Variants in ZFAND3 observed in about 807,000 individuals in gnomAD.
ZFAND3 encodes the protein AN1-type zinc finger protein 3.
A neutral mutation model predicts 29.6 loss-of-function variants in ZFAND3; 10 were observed. The ratio of observed to expected loss-of-function variants is 0.34; its 90% CI spans 0.21 to 0.57. The LOEUF (loss-of-function observed/expected upper bound fraction) is 0.57. Ranked by LOEUF, ZFAND3 falls within the 20% of genes least tolerant of loss-of-function variation. The probability of loss-of-function intolerance (pLI) is 0.86; values close to 1 mark genes in which losing one functional copy is unlikely to be tolerated. For synonymous variants in ZFAND3, 128 were observed against 112.6 expected, an observed-to-expected ratio of 1.14 and a Z score of -0.87; for missense variants, 230 against 304.5, an observed-to-expected ratio of 0.76 and a Z score of 1.82.
intron 4 of ZFAND3, among the ~76,000 whole-genome samples, chr6:38,109,285 C>T (rs766810963): frequency 2.0e-5 from 3 of 151,236 alleles, no homozygotes; most frequent in African/African-American, 4.9e-5. Context: ...TGCGTTCAAG[C>T]GATTCTCTTG....
At chr6:38,103,550 C>A (rs1031273597) in intron 4 of ZFAND3, among the ~76,000 whole-genome samples, 4 of 129,588 alleles carry the variant, frequency 3.1e-5, no homozygotes, top group Admixed American at 1.6e-4. Context: ...CACATACATA[C>A]ATACACACTT....
chr6:37,973,024 A>C (rs1444824599), intron 2 of ZFAND3, among the ~76,000 whole-genome samples: 1 of 152,042 alleles, frequency 6.6e-6, no homozygotes, highest in Non-Finnish European at 1.5e-5. Context: ...CCCTCCCTCG[A>C]GTTCATTTGT....
At chr6:37,941,930 A>G (rs772304642) in intron 2 of ZFAND3, among the ~76,000 whole-genome samples, 1 of 152,212 alleles carries the variant, frequency 6.6e-6, no homozygotes, top group Non-Finnish European at 1.5e-5. Flanking sequence ...TATAGTTTAT[A>G]GAGACACTAG....
rs1766248826 is a variant in ZFAND3 at position 38,152,472 on chromosome 6, GTA to G, written c.*84_*85del. 1.8e-5 allele frequency: 26 copies of G among 1,452,570 alleles called. No individual in the cohort carries two copies. Among genetic ancestry groups the G allele is most frequent in the Non-Finnish European group, 2.4e-5 (26 of 1,103,790 alleles). The allele number at this position is 1,452,570 out of a possible 1,614,324, so 90.0% of individuals were successfully genotyped here. ...TAGGACAAAGTCAGCCAGACACCTT[GTA>G]CTGGGCACGCGTCAGACTGCAGCCA... is the stretch of plus-strand genomic sequence containing the variant. On this transcript the variant is annotated 3_prime_UTR_variant, in exon 6 of 6. Transcript: ENST00000287218.
At position 38,061,226 on chromosome 6, in the gene ZFAND3, TTTCTC is replaced by T. The variant is rs1325856630; in HGVS notation, c.113-365_113-361del. ...ATGTGTTTTCTGTTTACTCTGCTGTTTTCTCTGCTGCCTTTTTCCTTATGACCTTT... is the reference window on the plus strand; with the variant it reads ...ATGTGTTTTCTGTTTACTCTGCTGTTTGCTGCCTTTTTCCTTATGACCTTT... On this transcript the variant is annotated intron_variant, in intron 2 of 5. Coordinates refer to ENST00000287218, the MANE Select transcript of ZFAND3 (RefSeq NM_021943.3). Among the ~76,000 whole-genome samples, 10 of 152,200 alleles carry T rather than the reference TTTCTC, an allele frequency of 6.6e-5. No homozygotes were observed. The East Asian group carries it at 1.9e-3, about 29-fold the overall frequency.
chr6:37,991,852 A>G (rs1220917993), intron 2 of ZFAND3, among the ~76,000 whole-genome samples: 1 of 152,140 alleles, frequency 6.6e-6, no homozygotes, highest in African/African-American at 2.4e-5. Context: ...TTATATTATA[A>G]GCTACTCAAT....
At chr6:37,921,113 T>C (rs1431196481) in intron 1 of ZFAND3, among the ~76,000 whole-genome samples, 1 of 152,184 alleles carries the variant, frequency 6.6e-6, no homozygotes, top group African/African-American at 2.4e-5. Flanking sequence ...CTCTTTGTCC[T>C]CTTACCCATC....
intron 2 of ZFAND3, among the ~76,000 whole-genome samples, chr6:38,005,011 C>A (rs1473354554): frequency 1.3e-5 from 2 of 152,020 alleles, no homozygotes; most frequent in South Asian, 2.1e-4. Flanking sequence ...CATGCAGTTG[C>A]GTGTGTGAAT....
At chr6:38,054,398 T>TAAAA (rs201113788) in intron 2 of ZFAND3, among the ~76,000 whole-genome samples, 65 of 124,114 alleles carry the variant, frequency 5.2e-4, no homozygotes, top group Non-Finnish European at 8.0e-4. Context: ...TGTCTCAAAT[T>TAAAA]AAAAAAAAAA....
At chr6:38,027,017 C>T (rs915976426) in intron 2 of ZFAND3, among the ~76,000 whole-genome samples, 1 of 152,070 alleles carries the variant, frequency 6.6e-6, no homozygotes, top group Non-Finnish European at 1.5e-5. Context: ...TAAGTAAATT[C>T]CTATTCCGTT....
At chr6:37,879,219 A>G (rs1764847359) in intron 1 of ZFAND3, among the ~76,000 whole-genome samples, 1 of 152,246 alleles carries the variant, frequency 6.6e-6, no homozygotes, top group South Asian at 2.1e-4. Context: ...TGGGACCACC[A>G]TGCTCAGAAC....
chr6:38,049,005 G>T (rs1230200814), intron 2 of ZFAND3, among the ~76,000 whole-genome samples: 1 of 152,094 alleles, frequency 6.6e-6, no homozygotes, highest in East Asian at 1.9e-4. Flanking sequence ...GTATTTGGAG[G>T]TTTTTATTTT....
At chr6:37,925,217 G>C (rs1254634075) in intron 1 of ZFAND3, among the ~76,000 whole-genome samples, 2 of 152,130 alleles carry the variant, frequency 1.3e-5, no homozygotes, top group African/African-American at 4.8e-5. Context: ...AAAAATCATT[G>C]TATAGGGTCA....
intron 2 of ZFAND3, among the ~76,000 whole-genome samples, chr6:37,936,916 A>G (rs573797363): frequency 6.6e-6 from 1 of 152,234 alleles, no homozygotes; most frequent in African/African-American, 2.4e-5. Context: ...GCAGGGTGAA[A>G]TGGTAGATAA....
chr6:38,076,620 C>G (rs1764558520), intron 3 of ZFAND3, among the ~76,000 whole-genome samples: 1 of 152,184 alleles, frequency 6.6e-6, no homozygotes. Flanking sequence ...GAGATTAACA[C>G]TTAGATTCCT....
At chr6:37,896,587 T>C (rs1178425642) in intron 1 of ZFAND3, among the ~76,000 whole-genome samples, 5 of 141,618 alleles carry the variant, frequency 3.5e-5, no homozygotes, top group African/African-American at 1.4e-4. Context: ...TCTCTCTCTT[T>C]CTCTTTTTCT....
intron 2 of ZFAND3, among the ~76,000 whole-genome samples, chr6:38,059,961 T>A (rs1311631649): frequency 6.6e-6 from 1 of 152,220 alleles, no homozygotes; most frequent in African/African-American, 2.4e-5. Flanking sequence ...AGCGTTACAT[T>A]AAAATCGTCC....
intron 5 of ZFAND3, among the ~76,000 whole-genome samples, chr6:38,132,474 T>C (rs1013526271): frequency 1.3e-5 from 2 of 152,210 alleles, no homozygotes. Context: ...GTCCCTGCAC[T>C]CCAGCCAGGG....
At chr6:38,047,628 T>A (rs1763930347) in intron 2 of ZFAND3, among the ~76,000 whole-genome samples, 1 of 152,204 alleles carries the variant, frequency 6.6e-6, no homozygotes, top group African/African-American at 2.4e-5. Flanking sequence ...ACGTGACTTC[T>A]TTTAGCCAAT....
Sources: gnomAD v4.1 joint callset for allele counts (sites outside exome capture counted in the v4.1 genomes callset) on GRCh38, gnomAD v4.1.1 for gene constraint, MANE v1.5 for transcripts, NCBI Gene and HGNC (gene_info 2026-07-23, HGNC 2026-07-21) for gene names.